SYN3: variants seen among roughly 807,000 people sequenced by gnomAD.
The protein encoded by SYN3 is synapsin-3.
In SYN3, 35 loss-of-function variants were observed where a neutral mutation model predicts 65.8. That is an observed-to-expected ratio of 0.53 (90% CI 0.41 to 0.70). The LOEUF (loss-of-function observed/expected upper bound fraction) is 0.70, where lower values mean the gene tolerates loss of function less well. Among genes scored for constraint, SYN3 ranks in the 30% least tolerant of loss-of-function variants. The pLI, the probability that SYN3 is intolerant of heterozygous loss-of-function variation, is 0.00. For missense variants in SYN3, 680 were observed against 749.0 expected (o/e 0.91, Z 1.08); for synonymous variants, 270 against 292.9 (o/e 0.92, Z 0.80).
intron 6 of SYN3, among the ~76,000 whole-genome samples, chr22:32,706,105 G>A (rs1296126575): frequency 6.6e-6 from 1 of 152,174 alleles, no homozygotes; most frequent in Non-Finnish European, 1.5e-5. Context: ...ATGTTAAATT[G>A]GAGTGGTGAG....
At chr22:32,620,303 G>A (rs1390080248) in intron 6 of SYN3, among the ~76,000 whole-genome samples, 1 of 152,202 alleles carries the variant, frequency 6.6e-6, no homozygotes, top group Admixed American at 6.5e-5. Flanking sequence ...AAGAGAGCCA[G>A]TGTACTCCAA....
intron 7 of SYN3, among the ~76,000 whole-genome samples, chr22:32,590,445 T>C (rs2858747): frequency 0.08 from 12,243 of 152,252 alleles, 986 homozygotes; most frequent in African/African-American, 0.2. Context: ...ATTTATCTAT[T>C]CTATTAAATG....
At chr22:32,576,060 T>C (rs752352748) in intron 7 of SYN3, among the ~76,000 whole-genome samples, 10 of 151,644 alleles carry the variant, frequency 6.6e-5, no homozygotes, top group Non-Finnish European at 1.5e-4. Flanking sequence ...ATATCAAGAG[T>C]ATTTGAGATG....
chr22:32,810,599 A>G (rs1055897966), intron 6 of SYN3, among the ~76,000 whole-genome samples: 1 of 152,128 alleles, frequency 6.6e-6, no homozygotes, highest in East Asian at 1.9e-4. Context: ...CCGGAACTAG[A>G]GATCTTAAAT....
chr22:32,610,666 T>TC (rs1041993237), intron 6 of SYN3, among the ~76,000 whole-genome samples: 2 of 152,136 alleles, frequency 1.3e-5, no homozygotes, highest in African/African-American at 4.8e-5. Flanking sequence ...CACCGCAACC[T>TC]CCCCCTCCAG....
rs537264589 is a variant in SYN3, at chr22:32,616,171, G to A, written c.712-19435C>T. ...GCCCCCAGGGAAGGGTGCAGAGTTC[G>A]CAGGGCCTGCTCTCCTGCATGGGGG... On this transcript the variant is annotated intron_variant, in intron 6 of 13. Coordinates refer to ENST00000358763, the MANE Select transcript of SYN3 (RefSeq NM_003490.4). Among the ~76,000 whole-genome samples, 8 of 152,272 alleles carry A rather than the reference G, an allele frequency of 5.3e-5. No homozygotes were observed. The East Asian group carries it at 7.8e-4, about 15-fold the overall frequency.
chr22:32,818,023 C>T (rs1355747672), intron 6 of SYN3, among the ~76,000 whole-genome samples: 2 of 152,216 alleles, frequency 1.3e-5, no homozygotes, highest in African/African-American at 4.8e-5. Context: ...TTCAGAAATT[C>T]TCCTAAAAGC....
At chr22:32,902,566 G>A (rs1257073032) in intron 4 of SYN3, among the ~76,000 whole-genome samples, 1 of 152,168 alleles carries the variant, frequency 6.6e-6, no homozygotes, top group Non-Finnish European at 1.5e-5. Context: ...TTGAGGCCCA[G>A]GTTGTACCTT....
At chr22:32,647,747 TA>T (rs1205191825) in intron 6 of SYN3, among the ~76,000 whole-genome samples, 1 of 152,170 alleles carries the variant, frequency 6.6e-6, no homozygotes. Flanking sequence ...TAGCTGGGAT[TA>T]CAGGTGCGCG....
chr22:32,594,337 G>C (rs1262225869), intron 7 of SYN3, among the ~76,000 whole-genome samples: 1 of 152,122 alleles, frequency 6.6e-6, no homozygotes, highest in African/African-American at 2.4e-5. Context: ...CTGAAGGGAG[G>C]ACTCTTTTTA....
chr22:32,904,449 GGTC>G (rs2049847061), intron 4 of SYN3, among the ~76,000 whole-genome samples: 1 of 152,186 alleles, frequency 6.6e-6, no homozygotes, highest in South Asian at 2.1e-4. Flanking sequence ...CTCTGAAGAA[GGTC>G]GTCTGCTGAA....
chr22:32,761,799 A>G (rs944818667), intron 6 of SYN3, among the ~76,000 whole-genome samples: 7 of 152,184 alleles, frequency 4.6e-5, no homozygotes, highest in South Asian at 2.1e-4. Flanking sequence ...CCAGTCTCCA[A>G]TGGGAGGCAG....
intron 6 of SYN3, among the ~76,000 whole-genome samples, chr22:32,757,383 C>T (rs1034481476): frequency 6.6e-6 from 1 of 151,086 alleles, no homozygotes; most frequent in Admixed American, 6.6e-5. Context: ...CCACAATTTC[C>T]GCCTCCTGGG....
At position 32,761,169 on chromosome 22, in the gene SYN3, T is replaced by C. The variant is rs888544399; in HGVS notation, c.711+103746A>G. Reference sequence around the variant, plus strand: ...GGGGGCAATGCATCTTCAGTTCTAGTGTTAACCTTGCTGCAAAGGTGCTGT... The same window carrying C: ...GGGGGCAATGCATCTTCAGTTCTAGCGTTAACCTTGCTGCAAAGGTGCTGT... On this transcript the variant is annotated intron_variant, in intron 6 of 13. Coordinates refer to ENST00000358763, the MANE Select transcript of SYN3 (RefSeq NM_003490.4). Among the ~76,000 whole-genome samples, 3 of 152,178 alleles carry C rather than the reference T, an allele frequency of 2.0e-5. No individual in the cohort carries two copies. The East Asian group carries it at 5.8e-4, about 29-fold the overall frequency.
chr22:32,829,573 G>A (rs756979121), intron 6 of SYN3, among the ~76,000 whole-genome samples: 15 of 152,216 alleles, frequency 9.9e-5, no homozygotes, highest in East Asian at 1.9e-4. Flanking sequence ...AAAACGGCCC[G>A]GATTTTCATC....
chr22:32,971,578 T>C (rs2052021411), intron 3 of SYN3, among the ~76,000 whole-genome samples: 1 of 152,056 alleles, frequency 6.6e-6, no homozygotes, highest in South Asian at 2.1e-4. Context: ...GAGTTCAGCA[T>C]CCATGCCTGG....
At chr22:32,947,067 T>C (rs1358820240) in intron 3 of SYN3, among the ~76,000 whole-genome samples, 6 of 152,242 alleles carry the variant, frequency 3.9e-5, no homozygotes, top group Admixed American at 3.9e-4. Flanking sequence ...GGAAAAGGGA[T>C]TGGCCTTGAA....
At chr22:32,671,579 G>GCA (rs1184707760) in intron 6 of SYN3, among the ~76,000 whole-genome samples, 2 of 142,440 alleles carry the variant, frequency 1.4e-5, no homozygotes, top group Non-Finnish European at 1.5e-5. Flanking sequence ...TCAAACAAGT[G>GCA]CACACACACA....
intron 6 of SYN3, among the ~76,000 whole-genome samples, chr22:32,659,146 G>A (rs1440515549): frequency 1.3e-5 from 2 of 152,186 alleles, no homozygotes; most frequent in Non-Finnish European, 2.9e-5. Flanking sequence ...GTGAGTAAGG[G>A]CTAAGCAGGA....
Sources: gnomAD v4.1 joint callset for allele counts (sites outside exome capture counted in the v4.1 genomes callset) on GRCh38, gnomAD v4.1.1 for gene constraint, MANE v1.5 for transcripts, NCBI Gene and HGNC (gene_info 2026-07-23, HGNC 2026-07-21) for gene names.